Variants in GALNS observed in about 807,000 individuals in gnomAD.
GALNS encodes the protein N-acetylgalactosamine-6-sulfatase.
In GALNS, 65 loss-of-function variants were observed where a neutral mutation model predicts 65.9. That is an observed-to-expected ratio of 0.99 (90% CI 0.81 to 1.21). The LOEUF is 1.21. GALNS is among the 50% of genes most tolerant of loss of function. GALNS has a pLI of 0.00. For missense variants in GALNS, 776 were observed against 700.7 expected (o/e 1.11, Z -1.21); for synonymous variants, 346 against 288.9 (o/e 1.20, Z -2.00).
intron 11 of GALNS, 143 bp from the exon 12 acceptor site, chr16:88,822,853 G>GT (rs1189450927): frequency 7.8e-7 from 1 of 1,289,596 alleles, no homozygotes; most frequent in Non-Finnish European, 1.1e-6. Context: ...ACTGGGGGCC[G>GT]TGGGGGGGTC....
At chr16:88,817,303 C>T (rs1023751326) in intron 13 of GALNS, 1 of 985,312 alleles carries the variant, frequency 1.0e-6, no homozygotes, top group Non-Finnish European at 1.2e-6. Context: ...ACTTTGGAGG[C>T]ACGTCTGTGC....
At chr16:88,818,394 C>A (rs1443413442) in intron 12 of GALNS, among the ~76,000 whole-genome samples, 1 of 152,222 alleles carries the variant, frequency 6.6e-6, no homozygotes, top group African/African-American at 2.4e-5. Context: ...GTGAGTAGAG[C>A]CGTCCCATCC....
At position 88,835,984 on chromosome 16, in the gene GALNS, T is replaced by G. The variant is rs562144672; in HGVS notation, c.634-135A>C. ...CCCCACGCGTCCCACGGGGCAAGGT[T>G]GGTGCGGTCCCCGTCCCCACGCGTC... is the stretch of plus-strand genomic sequence containing the variant. On this transcript the variant is annotated intron_variant, in intron 6 of 13. Transcript: ENST00000268695. 887 of 1,433,538 alleles carry G rather than the reference T, an allele frequency of 6.2e-4. 6 individuals carry two copies. The highest frequency in any genetic ancestry group is 8.1e-4 in the Non-Finnish European group (838 of 1,034,148). 88.8% of individuals were successfully genotyped at this position (1,433,538 alleles called of 1,614,324 possible). A position where few individuals can be genotyped will look rare whatever the true frequency, so the allele number is the denominator to read the frequency against.
chr16:88,847,943 C>T (rs1050790217), intron 1 of GALNS, among the ~76,000 whole-genome samples: 3 of 152,240 alleles, frequency 2.0e-5, no homozygotes, highest in Admixed American at 6.5e-5. Context: ...TGGAAACACC[C>T]GGATGCCCAT....
At chr16:88,822,976 C>A (rs981584784) in intron 11 of GALNS, among the ~76,000 whole-genome samples, 1 of 152,182 alleles carries the variant, frequency 6.6e-6, no homozygotes, top group African/African-American at 2.4e-5. Context: ...TGAAGCCACC[C>A]GCTCTGGGCC....
In GALNS at chr16:88,837,718, T is replaced by C. The variant is rs1368128570; in HGVS notation, c.470A>G (p.Asp157Gly). 2 of 1,613,924 alleles carry C rather than the reference T, an allele frequency of 1.2e-6. No individual in the cohort carries two copies. Among genetic ancestry groups the C allele is most frequent in the Non-Finnish European group, 8.5e-7 (1 of 1,179,988 alleles). ...GCAGTTGGGGGATCCAAACCACTCA[T>C]CAAATCCGTGCTTCAGGGGGTGGAA... ...PQFHPLKHGF[D>G]EWFGSPNCHF... The change falls in exon 5 of 14, where the codon GAT (aspartate) becomes GGT (glycine). Residue 157 changes from aspartate to glycine, a missense_variant. Transcript: ENST00000268695.
chr16:88,833,114 C>T (rs1229401109), intron 8 of GALNS, among the ~76,000 whole-genome samples: 8 of 151,264 alleles, frequency 5.3e-5, no homozygotes, highest in South Asian at 2.1e-4. Context: ...AATATTTTTC[C>T]GGCAGTGAAA....
At chr16:88,835,989 C>T (rs1329882224) in intron 6 of GALNS, 140 bp from the exon 7 acceptor site, 30 of 1,379,538 alleles carry the variant, frequency 2.2e-5, no homozygotes, top group South Asian at 1.1e-4. Flanking sequence ...AAGGTTGGTG[C>T]GGTCCCCGTC....
At chr16:88,816,930 G>A (rs978186414) in intron 13 of GALNS, 11 of 985,466 alleles carry the variant, frequency 1.1e-5, no homozygotes, top group South Asian at 9.4e-5. Context: ...GGTGAGCGAC[G>A]GCCCAGGGGC....
chr16:88,816,912 T>G (rs1909689318), intron 13 of GALNS: 2 of 985,242 alleles, frequency 2.0e-6, no homozygotes, highest in Admixed American at 1.2e-4. Context: ...GCCCAGCCCG[T>G]GTAAACAGGT....
At chr16:88,852,954 C>CA (rs1036083393) in intron 1 of GALNS, among the ~76,000 whole-genome samples, 5 of 148,586 alleles carry the variant, frequency 3.4e-5, no homozygotes, top group South Asian at 2.1e-4. Flanking sequence ...GACCTTGTCT[C>CA]AAAAAAAAAG....
chr16:88,853,773 G>T (rs1967621995), intron 1 of GALNS, among the ~76,000 whole-genome samples: 1 of 152,192 alleles, frequency 6.6e-6, no homozygotes, highest in Non-Finnish European at 1.5e-5. Context: ...TGGACCGTGG[G>T]TCAGTGAAAG....
intron 1 of GALNS, among the ~76,000 whole-genome samples, chr16:88,845,789 C>G (rs1020543458): frequency 1.9e-4 from 29 of 149,388 alleles, no homozygotes; most frequent in African/African-American, 7.2e-4. Context: ...GCCAGGAGTT[C>G]GAGACCAGCC....
intron 1 of GALNS, among the ~76,000 whole-genome samples, chr16:88,849,118 A>G (rs556733348): frequency 8.5e-5 from 13 of 152,056 alleles, no homozygotes; most frequent in African/African-American, 3.1e-4. Flanking sequence ...CCCTTTTGAG[A>G]TGGTTTATTT....
At chr16:88,834,187 C>T (rs993756724) in intron 8 of GALNS, among the ~76,000 whole-genome samples, 3 of 152,214 alleles carry the variant, frequency 2.0e-5, no homozygotes, top group African/African-American at 4.8e-5. Flanking sequence ...GGACGTGGCG[C>T]GAGGGAGCCT....
intron 8 of GALNS, 111 bp downstream of exon 8, chr16:88,835,102 G>C (rs1228755593): frequency 2.2e-6 from 3 of 1,385,224 alleles, no homozygotes; most frequent in Non-Finnish European, 3.0e-6. Flanking sequence ...GGACCCAGAG[G>C]GACCCTTCAT....
chr16:88,837,297 C>T (rs1432774954), intron 5 of GALNS, among the ~76,000 whole-genome samples: 1 of 152,170 alleles, frequency 6.6e-6, no homozygotes, highest in Non-Finnish European at 1.5e-5. Flanking sequence ...GCCGGCCTCC[C>T]CACCCGTAGA....
At chr16:88,834,342 G>C (rs1175534353) in intron 8 of GALNS, among the ~76,000 whole-genome samples, 1 of 145,950 alleles carries the variant, frequency 6.9e-6, no homozygotes, top group Non-Finnish European at 1.5e-5. Flanking sequence ...CGTGGTCTGG[G>C]AAGAGGCTGC....
chr16:88,839,752 C>T (rs1316655333), intron 4 of GALNS, among the ~76,000 whole-genome samples: 1 of 152,244 alleles, frequency 6.6e-6, no homozygotes, highest in Non-Finnish European at 1.5e-5. Flanking sequence ...GCTCCCACTC[C>T]TTGGGGTCCC....
Sources: gnomAD v4.1 joint callset for allele counts (sites outside exome capture counted in the v4.1 genomes callset) on GRCh38, gnomAD v4.1.1 for gene constraint, MANE v1.5 for transcripts, NCBI Gene and HGNC (gene_info 2026-07-23, HGNC 2026-07-21) for gene names.